DIP2B: variants seen among roughly 807,000 people sequenced by gnomAD.
DIP2B encodes DIP2 acetate--CoA ligase B (putative), also known as disco-interacting protein 2 homolog B.
Under a neutral mutation model 198.0 loss-of-function variants are expected in DIP2B, and 76 were observed. That is an observed-to-expected ratio of 0.38 (90% confidence interval 0.32 to 0.46). The LOEUF (loss-of-function observed/expected upper bound fraction) is 0.46, where lower values mean the gene tolerates loss of function less well. DIP2B is among the 20% of genes least tolerant of loss of function. The pLI is 0.99. For missense variants in DIP2B, 1,559 were observed against 1,978.4 expected (o/e 0.79, Z 4.02); for synonymous variants, 701 against 739.1 (o/e 0.95, Z 0.84).
chr12:50,716,122 A>G lies in DIP2B; in HGVS notation c.2851+1526A>G, dbSNP rs150992270. Reference sequence around the variant, plus strand: ...TAAAATATGCCTTTATTAATTTTATAATGTAAATCCCAGAATGCACAGTTT... The same window carrying G: ...TAAAATATGCCTTTATTAATTTTATGATGTAAATCCCAGAATGCACAGTTT... On this transcript the variant is annotated intron_variant, in intron 23 of 37. Coordinates refer to ENST00000301180, the MANE Select transcript of DIP2B (RefSeq NM_173602.3). Among the ~76,000 whole-genome samples, 700 of 152,296 alleles carry G rather than the reference A, an allele frequency of 4.6e-3. 8 individuals are homozygous for G. The highest frequency in any genetic ancestry group is 0.016 in the African/African-American group (661 of 41,558).
chr12:50,690,117 C>T lies in DIP2B; in HGVS notation c.1552-932C>T, dbSNP rs557094798. On this transcript the variant is annotated intron_variant, in intron 12 of 37. Transcript: ENST00000301180. ...TTTTTTTTTTTTTGAGACGGAGTCTCGCTCTGTTGCCCAGGCTGGAGTGCA... is the reference window on the plus strand; with the variant it reads ...TTTTTTTTTTTTTGAGACGGAGTCTTGCTCTGTTGCCCAGGCTGGAGTGCA... Among the ~76,000 whole-genome samples, 33 of 148,600 alleles carry T rather than the reference C, an allele frequency of 2.2e-4. 1 individual carries two copies. In the East Asian group the frequency reaches 6.5e-3, roughly 29 times the overall value.
intron 5 of DIP2B, among the ~76,000 whole-genome samples, chr12:50,671,987 G>T (rs562900145): frequency 6.6e-6 from 1 of 152,270 alleles, no homozygotes; most frequent in Middle Eastern, 3.4e-3. Context: ...TGTTTTGTGT[G>T]TGTGTTTTTT....
intron 1 of DIP2B, among the ~76,000 whole-genome samples, chr12:50,563,549 A>G (rs918628664): frequency 4.9e-5 from 7 of 142,766 alleles, no homozygotes; most frequent in Non-Finnish European, 9.0e-5. Flanking sequence ...TGAGTGAGGC[A>G]GTGTGATTAT....
At chr12:50,568,564 A>G (rs1958585672) in intron 1 of DIP2B, among the ~76,000 whole-genome samples, 1 of 152,196 alleles carries the variant, frequency 6.6e-6, no homozygotes, top group Non-Finnish European at 1.5e-5. Flanking sequence ...GACCAGGCCC[A>G]TCCTTGGGTC....
Position 50,745,290 on chromosome 12 carries a change from T to C in DIP2B, c.*451T>C, listed in dbSNP as rs1383237062. 1 of 169,654 alleles carries C rather than the reference T, an allele frequency of 5.9e-6. No homozygotes were observed. The highest frequency in any genetic ancestry group is 2.4e-5 in the African/African-American group (1 of 41,788). 10.5% of individuals were successfully genotyped at this position (169,654 alleles called of 1,614,324 possible). ...TTTGTTAACATGGAACTACTCAGCTTTCTTTCAGTCAACCCATAAGCAAAT... is the reference window on the plus strand; with the variant it reads ...TTTGTTAACATGGAACTACTCAGCTCTCTTTCAGTCAACCCATAAGCAAAT... On this transcript the variant is annotated 3_prime_UTR_variant, in exon 38 of 38. Coordinates refer to ENST00000301180, the MANE Select transcript of DIP2B (RefSeq NM_173602.3).
At chr12:50,595,304 A>AATTT (rs928807181) in intron 1 of DIP2B, among the ~76,000 whole-genome samples, 2 of 152,046 alleles carry the variant, frequency 1.3e-5, no homozygotes, top group Non-Finnish European at 1.5e-5. Flanking sequence ...ATTTTTTAAA[A>AATTT]ATTTATTTAT....
At chr12:50,553,087 C>T (rs567879190) in intron 1 of DIP2B, among the ~76,000 whole-genome samples, 195 of 152,256 alleles carry the variant, frequency 1.3e-3, no homozygotes, top group African/African-American at 4.2e-3. Flanking sequence ...CTGCCCACCT[C>T]GGCCTCCCAA....
intron 1 of DIP2B, among the ~76,000 whole-genome samples, chr12:50,549,455 G>A (rs906670006): frequency 6.6e-6 from 1 of 152,048 alleles, no homozygotes; most frequent in Non-Finnish European, 1.5e-5. Context: ...GCGTGAACCT[G>A]GGAGGTGGAG....
chr12:50,681,431 C>G (rs1939038579), intron 9 of DIP2B, among the ~76,000 whole-genome samples: 1 of 151,040 alleles, frequency 6.6e-6, no homozygotes, highest in Non-Finnish European at 1.5e-5. Context: ...GAGACCCTAA[C>G]AACAACAACA....
intron 1 of DIP2B, among the ~76,000 whole-genome samples, chr12:50,540,563 T>TG (rs1958314861): frequency 6.7e-6 from 1 of 149,212 alleles, no homozygotes; most frequent in Admixed American, 6.7e-5. Flanking sequence ...TTTTTTTTTT[T>TG]GTTGAGATGG....
chr12:50,699,305 AGT>A, intron 19 of DIP2B, 103 bp downstream of exon 19: 3 of 1,504,326 alleles, frequency 2.0e-6, no homozygotes, highest in Non-Finnish European at 2.7e-6. Flanking sequence ...TGTGGTTGAG[AGT>A]GTGTACTCTG....
rs547623124 is a variant in DIP2B, at chr12:50,643,732, C to T, written c.301+2880C>T. On this transcript the variant is annotated intron_variant, in intron 3 of 37. Transcript: ENST00000301180. Reference sequence around the variant, plus strand: ...AATAAGAAGAAATCAGCAGGGGTGGCTCATGCCTGTAATCTCAGCACTCAG... The same window carrying T: ...AATAAGAAGAAATCAGCAGGGGTGGTTCATGCCTGTAATCTCAGCACTCAG... Among the ~76,000 whole-genome samples the T allele has an allele frequency of 1.1e-4, 17 of 152,218 alleles. No individual in the cohort carries two copies. The East Asian group carries it at 2.9e-3, about 26-fold the overall frequency.
At chr12:50,620,769 G>A (rs1178816467) in intron 1 of DIP2B, among the ~76,000 whole-genome samples, 1 of 152,188 alleles carries the variant, frequency 6.6e-6, no homozygotes, top group Non-Finnish European at 1.5e-5. Context: ...AAAGCCTGTG[G>A]TGTGACTCAG....
intron 1 of DIP2B, among the ~76,000 whole-genome samples, chr12:50,531,289 C>T (rs1958214854): frequency 1.3e-5 from 2 of 152,082 alleles, no homozygotes; most frequent in Non-Finnish European, 2.9e-5. Flanking sequence ...ACCTTGTGAT[C>T]CGCCCACCTC....
chr12:50,528,971 G>A (rs1450836263), intron 1 of DIP2B, among the ~76,000 whole-genome samples: 1 of 152,202 alleles, frequency 6.6e-6, no homozygotes, highest in African/African-American at 2.4e-5. Context: ...AGGATCAGAA[G>A]CCAGAGATTA....
chr12:50,745,573 T>A lies in DIP2B; in HGVS notation c.*734T>A, dbSNP rs1001621571. 1.3e-5 allele frequency: 2 copies of A among 152,548 alleles called. No homozygotes were observed. Among genetic ancestry groups the A allele is most frequent in the African/African-American group, 4.8e-5 (2 of 41,464 alleles). The allele number at this position is 152,548 out of a possible 1,614,324, so 9.4% of individuals were successfully genotyped here. ...TGGCAGGTTTTGCTGCACATTGTTC[T>A]ATGTCTTTGTTGGCTGGTGTATTTT... On this transcript the variant is annotated 3_prime_UTR_variant, in exon 38 of 38. Coordinates refer to ENST00000301180, the MANE Select transcript of DIP2B (RefSeq NM_173602.3).
intron 4 of DIP2B, among the ~76,000 whole-genome samples, chr12:50,668,373 C>T (rs1216756107): frequency 6.6e-6 from 1 of 152,168 alleles, no homozygotes; most frequent in Non-Finnish European, 1.5e-5. Flanking sequence ...AGTCACATAG[C>T]TAGTAAGAGG....
chr12:50,623,762 G>A (rs1937875708), intron 1 of DIP2B, among the ~76,000 whole-genome samples: 1 of 152,152 alleles, frequency 6.6e-6, no homozygotes, highest in African/African-American at 2.4e-5. Flanking sequence ...TTATTATATA[G>A]ATTAGAGTTT....
In DIP2B at chr12:50,706,683, C is replaced by A. The variant is rs755682254; in HGVS notation, c.2534+18C>A. ...AGAGGAAGGTGAGTAGTACAAAATT[C>A]AAATGTTAGCACCTTTTAATGGAAT... On this transcript the variant is annotated intron_variant, in intron 21 of 37. Transcript: ENST00000301180. The A allele has an allele frequency of 5.0e-6, 8 of 1,612,774 alleles. No individual in the cohort carries two copies. The East Asian group carries it at 1.8e-4, about 36-fold the overall frequency.
Sources: gnomAD v4.1 joint callset for allele counts (sites outside exome capture counted in the v4.1 genomes callset) on GRCh38, gnomAD v4.1.1 for gene constraint, MANE v1.5 for transcripts, NCBI Gene and HGNC (gene_info 2026-07-23, HGNC 2026-07-21) for gene names.